Variants in LRMDA observed in about 807,000 individuals in gnomAD.
The protein encoded by LRMDA is leucine rich melanocyte differentiation associated, also known as leucine-rich melanocyte differentiation-associated protein.
In LRMDA, 18 loss-of-function variants were observed where a neutral mutation model predicts 29.8. The observed-to-expected ratio is 0.60, with a 90% CI of 0.42 to 0.90. The LOEUF (loss-of-function observed/expected upper bound fraction) is 0.90, where lower values mean the gene tolerates loss of function less well. Ranked by LOEUF, LRMDA falls within the 40% of genes least tolerant of loss-of-function variation. LRMDA has a pLI of 0.00. For missense variants in LRMDA, 273 were observed against 273.9 expected (o/e 1.00, Z 0.02); for synonymous variants, 125 against 109.4 (o/e 1.14, Z -0.89).
rs1842891941 is a variant in LRMDA at position 76,498,655 on chromosome 10, G to C, written c.602-58554G>C. Among the ~76,000 whole-genome samples, 2 of 76,864 alleles carry C rather than the reference G, an allele frequency of 2.6e-5. 1 individual carries two copies. Among genetic ancestry groups the C allele is most frequent in the African/African-American group, 6.4e-5 (2 of 31,492 alleles). 50.4% of individuals were successfully genotyped at this position (76,864 alleles called of 152,430 possible). ...AAGGGCTGAACAAGGATGCATGTCAGGGGTGAAACCCTTTGAAGAGTGCAA... is the reference window on the plus strand; with the variant it reads ...AAGGGCTGAACAAGGATGCATGTCACGGGTGAAACCCTTTGAAGAGTGCAA... On this transcript the variant is annotated intron_variant, in intron 6 of 6. Transcript: ENST00000611255.
At chr10:76,553,858 C>G (rs952101348) in intron 6 of LRMDA, among the ~76,000 whole-genome samples, 2 of 152,080 alleles carry the variant, frequency 1.3e-5, no homozygotes, top group South Asian at 2.1e-4. Context: ...GGGCGAGCAC[C>G]AGCAGCTGGA....
chr10:75,684,350 C>T (rs747461528), intron 2 of LRMDA, among the ~76,000 whole-genome samples: 8 of 152,292 alleles, frequency 5.3e-5, no homozygotes, highest in Middle Eastern at 3.4e-3. Flanking sequence ...ACATCTTTCA[C>T]GCACACTCCC....
chr10:76,162,539 T>C lies in LRMDA; in HGVS notation c.516+103756T>C, dbSNP rs1209630813. Reference sequence around the variant, plus strand: ...TGGGGAGGCCTCAGGAAGCTTTCAATCATGACAGAAAGTGAAAGGGGAGCA... The same window carrying C: ...TGGGGAGGCCTCAGGAAGCTTTCAACCATGACAGAAAGTGAAAGGGGAGCA... On this transcript the variant is annotated intron_variant, in intron 5 of 6. Coordinates refer to ENST00000611255, the MANE Select transcript of LRMDA (RefSeq NM_001305581.2). Among the ~76,000 whole-genome samples the C allele has an allele frequency of 3.9e-5, 6 of 152,056 alleles. No homozygotes were observed. The East Asian group carries it at 1.2e-3, about 29-fold the overall frequency.
At chr10:76,249,514 G>A (rs1043139562) in intron 5 of LRMDA, among the ~76,000 whole-genome samples, 7 of 152,178 alleles carry the variant, frequency 4.6e-5, no homozygotes, top group South Asian at 2.1e-4. Context: ...TGGTATCAGA[G>A]CTTTATGAAC....
At chr10:75,920,701 A>G (rs1846011999) in intron 2 of LRMDA, among the ~76,000 whole-genome samples, 1 of 152,210 alleles carries the variant, frequency 6.6e-6, no homozygotes, top group Non-Finnish European at 1.5e-5. Flanking sequence ...TCTAGCACAA[A>G]GAGCAAAAAC....
chr10:76,115,951 T>A (rs146178807), intron 5 of LRMDA, among the ~76,000 whole-genome samples: 1 of 152,254 alleles, frequency 6.6e-6, no homozygotes, highest in African/African-American at 2.4e-5. Context: ...ATCACAAAAC[T>A]GCAGATGTTT....
intron 6 of LRMDA, among the ~76,000 whole-genome samples, chr10:76,366,965 G>A (rs1313134358): frequency 2.0e-5 from 3 of 152,170 alleles, no homozygotes; most frequent in East Asian, 1.9e-4. Context: ...ATCATAAAGC[G>A]ATGCTGGGTT....
intron 5 of LRMDA, among the ~76,000 whole-genome samples, chr10:76,320,935 TATTAC>T (rs1840763323): frequency 6.6e-6 from 1 of 152,240 alleles, no homozygotes; most frequent in African/African-American, 2.4e-5. Flanking sequence ...ATAAATATTA[TATTAC>T]ATTTATCATT....
At chr10:76,314,238 T>G (rs1432149140) in intron 5 of LRMDA, among the ~76,000 whole-genome samples, 1 of 152,192 alleles carries the variant, frequency 6.6e-6, no homozygotes, top group Non-Finnish European at 1.5e-5. Flanking sequence ...ACATCCTTTT[T>G]TTGTTGTTGT....
At chr10:75,988,627 C>A (rs943285740) in intron 2 of LRMDA, among the ~76,000 whole-genome samples, 1 of 150,444 alleles carries the variant, frequency 6.6e-6, no homozygotes, top group Admixed American at 6.6e-5. Flanking sequence ...AATAATAATA[C>A]ATTTGTTTGC....
chr10:75,800,375 A>T (rs1382536782), intron 2 of LRMDA, among the ~76,000 whole-genome samples: 1 of 151,760 alleles, frequency 6.6e-6, no homozygotes, highest in East Asian at 1.9e-4. Flanking sequence ...TATATTTTAA[A>T]TGCATCCTTG....
chr10:76,067,753 A>G (rs918465876), intron 5 of LRMDA, among the ~76,000 whole-genome samples: 10 of 152,228 alleles, frequency 6.6e-5, no homozygotes, highest in African/African-American at 2.4e-4. Flanking sequence ...CAACTTGTCT[A>G]GGAACAGGGA....
chr10:75,662,260 G>C (rs1023358996), intron 2 of LRMDA, among the ~76,000 whole-genome samples: 1 of 152,216 alleles, frequency 6.6e-6, no homozygotes, highest in African/African-American at 2.4e-5. Context: ...ATGAAGTAGA[G>C]ATGAAATAAA....
At chr10:76,135,132 C>G (rs2132141930) in intron 5 of LRMDA, among the ~76,000 whole-genome samples, 1 of 152,264 alleles carries the variant, frequency 6.6e-6, no homozygotes, top group African/African-American at 2.4e-5. Flanking sequence ...ATAAAAATTT[C>G]ATGGAGCATG....
intron 6 of LRMDA, among the ~76,000 whole-genome samples, chr10:76,367,398 T>A (rs1841403384): frequency 6.7e-6 from 1 of 149,312 alleles, no homozygotes; most frequent in South Asian, 2.1e-4. Flanking sequence ...TTTTTGTTGT[T>A]GTTGTTGTTG....
intron 2 of LRMDA, among the ~76,000 whole-genome samples, chr10:75,882,188 G>A (rs60177240): frequency 0.015 from 2,273 of 152,318 alleles, 56 homozygotes; most frequent in African/African-American, 0.05. Context: ...ACTGAACCTG[G>A]GGAGGCGAGC....
chr10:75,620,351 T>C (rs762114735), intron 2 of LRMDA, among the ~76,000 whole-genome samples: 5 of 152,242 alleles, frequency 3.3e-5, no homozygotes, highest in Non-Finnish European at 7.3e-5. Flanking sequence ...GAACATTTCA[T>C]TAAAAAATAT....
At chr10:75,783,147 A>G in intron 2 of LRMDA, 1 of 1,225,226 alleles carries the variant, frequency 8.2e-7, no homozygotes, top group Non-Finnish European at 1.2e-6. Context: ...ATCTGCATAA[A>G]TCATTTTCTT....
At chr10:76,541,191 C>G (rs1413272108) in intron 6 of LRMDA, among the ~76,000 whole-genome samples, 1 of 152,156 alleles carries the variant, frequency 6.6e-6, no homozygotes, top group South Asian at 2.1e-4. Flanking sequence ...TAGGAGGCAA[C>G]CTCTAGTGCC....
Sources: allele counts gnomAD v4.1 joint callset (sites outside exome capture counted in the v4.1 genomes callset), GRCh38; gene constraint gnomAD v4.1.1; transcripts MANE v1.5; gene names NCBI Gene and HGNC (gene_info 2026-07-23, HGNC 2026-07-21).